The following PLEKHG4B variants were observed in gnomAD, a reference collection of about 807,000 sequenced individuals.
The protein encoded by PLEKHG4B is pleckstrin homology and RhoGEF domain containing G4B.
Under a neutral mutation model 121.3 loss-of-function variants are expected in PLEKHG4B, and 111 were observed. The ratio of observed to expected loss-of-function variants is 0.92; its 90% CI spans 0.78 to 1.07. PLEKHG4B has a LOEUF of 1.07. Among genes scored for constraint, PLEKHG4B ranks in the 50% least tolerant of loss-of-function variants. The probability of loss-of-function intolerance (pLI) is 0.00; values close to 1 mark genes in which losing one functional copy is unlikely to be tolerated. For synonymous variants in PLEKHG4B, 738 were observed against 725.0 expected (o/e 1.02, Z -0.29); for missense variants, 1,831 against 1,757.8 (o/e 1.04, Z -0.74).
At chr5:141,839 G>A (rs185031093) in intron 3 of PLEKHG4B, among the ~76,000 whole-genome samples, 58 of 151,728 alleles carry the variant, frequency 3.8e-4, no homozygotes, top group Non-Finnish European at 1.0e-4. Flanking sequence ...CCAACCTCGG[G>A]AAAGTGACAG....
At chr5:147,126 C>G (rs1156231283) in intron 6 of PLEKHG4B, among the ~76,000 whole-genome samples, 1 of 152,164 alleles carries the variant, frequency 6.6e-6, no homozygotes, top group Non-Finnish European at 1.5e-5. Flanking sequence ...TCCCTGAGGT[C>G]AGGAAGGAGT....
intron 3 of PLEKHG4B, 65 bp downstream of exon 3, chr5:140,781 C>T (rs1735150148): frequency 7.4e-7 from 1 of 1,345,468 alleles, no homozygotes; most frequent in Admixed American, 2.9e-5. Flanking sequence ...CCACAATCTC[C>T]CCCTGCACAC....
rs747629913 is a variant in PLEKHG4B, at chr5:99,825, G to C, written c.45+7549G>C. 9.3e-4 allele frequency among the ~76,000 whole-genome samples: 141 copies of C among 152,204 alleles called. 2 individuals are homozygous for C. Among genetic ancestry groups the C allele is most frequent in the Middle Eastern group, 3.4e-3 (1 of 294 alleles). On this transcript the variant is annotated intron_variant, in intron 1 of 19. Transcript: ENST00000637938. ...TGTTCTTAATCTTGGGGAAAACTTTGAGTTTTTCACCATTGAGTATATTAG... is the reference window on the plus strand; with the variant it reads ...TGTTCTTAATCTTGGGGAAAACTTTCAGTTTTTCACCATTGAGTATATTAG...
At chr5:155,527 A>G in intron 9 of PLEKHG4B, 84 bp downstream of exon 9, 1 of 1,058,064 alleles carries the variant, frequency 9.5e-7, no homozygotes, top group Non-Finnish European at 1.5e-6. Context: ...GAAAATAAAT[A>G]TTTGGTTCAC....
At chr5:179,915 T>C (rs1340631579) in intron 18 of PLEKHG4B, among the ~76,000 whole-genome samples, 2 of 152,172 alleles carry the variant, frequency 1.3e-5, no homozygotes, top group Non-Finnish European at 2.9e-5. Flanking sequence ...ATATGTAGGT[T>C]TGTGTTTGAT....
intron 1 of PLEKHG4B, among the ~76,000 whole-genome samples, chr5:103,511 C>T (rs1733884117): frequency 6.6e-6 from 1 of 152,164 alleles, no homozygotes; most frequent in South Asian, 2.1e-4. Flanking sequence ...CCACCCTCGA[C>T]TCTGGATATA....
chr5:139,947 C>T lies in PLEKHG4B; in HGVS notation c.708C>T (p.Gly236=). The change falls in exon 3 of 20, where the codon GGC becomes GGT. Residue 236 remains glycine, a synonymous_variant. Coordinates refer to ENST00000637938, the MANE Select transcript of PLEKHG4B (RefSeq NM_052909.5). This position sits in a 1 kb window ranked among gnomAD's most constrained non-coding sequence, Gnocchi z 5.0. ...EAPVPTQATA[G]PHFQGSASCP... ...CAGTCCCCACCCAAGCCACAGCAGG[C>T]CCCCATTTCCAGGGAAGCGCCTCTT... The T allele has an allele frequency of 2.4e-6, 1 of 408,612 alleles. No homozygotes were observed. Among genetic ancestry groups the T allele is most frequent in the Non-Finnish European group, 4.3e-6 (1 of 231,908 alleles). 25.3% of individuals were successfully genotyped at this position (408,612 alleles called of 1,614,324 possible).
intron 3 of PLEKHG4B, among the ~76,000 whole-genome samples, chr5:142,676 A>T (rs62344128): frequency 4.3e-4 from 65 of 152,060 alleles, no homozygotes; most frequent in Non-Finnish European, 8.1e-4. Flanking sequence ...TCACACAATC[A>T]CACGTGCCAG....
chr5:183,607 G>T lies in PLEKHG4B; in HGVS notation c.*1284G>T, dbSNP rs1434464243. ...AAAAAATTAGCCGGGCATGGTGTTGGCCGCCTGTAGTCCCAGCTACTTGGG... is the reference window on the plus strand; with the variant it reads ...AAAAAATTAGCCGGGCATGGTGTTGTCCGCCTGTAGTCCCAGCTACTTGGG... On this transcript the variant is annotated 3_prime_UTR_variant, in exon 20 of 20. Transcript: ENST00000637938. 6.6e-6 allele frequency: 1 copy of T among 152,264 alleles called. No homozygotes were observed. The highest frequency in any genetic ancestry group is 1.5e-5 in the Non-Finnish European group (1 of 68,114). The allele number at this position is 152,264 out of a possible 1,614,324, so 9.4% of individuals were successfully genotyped here. A position where few individuals can be genotyped will look rare whatever the true frequency, so the allele number is the denominator to read the frequency against.
rs756591244 is a variant in PLEKHG4B, at chr5:140,466, A to G, written c.1227A>G (p.Gln409=). Residue 409 remains glutamine (Q), a synonymous_variant, in exon 3 of 20, where the codon CAA becomes CAG. Coordinates refer to ENST00000637938, the MANE Select transcript of PLEKHG4B (RefSeq NM_052909.5). The part of the protein sequence containing the change: ...EETSGPRGDP[Q]QTPSLEKERH... ...CCTCTGGCCCCCGGGGAGACCCCCA[A>G]CAGACCCCAAGTCTAGAGAAGGAGA... 1.9e-6 allele frequency: 3 copies of G among 1,589,382 alleles called. No individual in the cohort carries two copies. The highest frequency in any genetic ancestry group is 1.7e-6 in the Non-Finnish European group (2 of 1,168,388).
intron 11 of PLEKHG4B, among the ~76,000 whole-genome samples, chr5:158,734 ACTC>A (rs1358960249): frequency 1.8e-5 from 1 of 54,072 alleles, no homozygotes; most frequent in African/African-American, 7.9e-5. Context: ...TCCTCGTTCT[ACTC>A]CTTCCTGGGG....
chr5:151,485 A>T (rs776827435), intron 6 of PLEKHG4B, 28 bp from the exon 7 acceptor site: 1 of 1,411,516 alleles, frequency 7.1e-7, no homozygotes, highest in Middle Eastern at 1.9e-4. Context: ...AAAGCTAATC[A>T]GTAATATTTA....
chr5:154,835 G>T, intron 7 of PLEKHG4B, 40 bp from the exon 8 acceptor site: 1 of 1,468,390 alleles, frequency 6.8e-7, no homozygotes. Flanking sequence ...CCCAAGAGAT[G>T]CATCTGGAGC....
chr5:172,871 A>G, intron 16 of PLEKHG4B, 26 bp from the exon 17 acceptor site: 1 of 1,613,062 alleles, frequency 6.2e-7, no homozygotes. Context: ...TTCTTGGATG[A>G]AATCCACCTG....
chr5:111,554 A>G (rs1734158238), intron 1 of PLEKHG4B, among the ~76,000 whole-genome samples: 1 of 152,062 alleles, frequency 6.6e-6, no homozygotes, highest in African/African-American at 2.4e-5. Flanking sequence ...AGGGTGGGGG[A>G]GGAATGGGCC....
intron 13 of PLEKHG4B, among the ~76,000 whole-genome samples, chr5:165,335 G>T: frequency 3.1e-5 from 1 of 31,802 alleles, no homozygotes; most frequent in Non-Finnish European, 7.3e-5. Flanking sequence ...TCCTCTGACG[G>T]GGCGGAGCTC....
intron 18 of PLEKHG4B, among the ~76,000 whole-genome samples, chr5:181,061 C>T (rs1230469854): frequency 6.6e-6 from 1 of 152,168 alleles, no homozygotes; most frequent in Non-Finnish European, 1.5e-5. Context: ...CTTAATTTGA[C>T]CAAGAATAAG....
chr5:145,486 G>A (rs1440147795), intron 6 of PLEKHG4B, among the ~76,000 whole-genome samples: 1 of 152,206 alleles, frequency 6.6e-6, no homozygotes. Context: ...TCAGCCTCCA[G>A]AGTAGCTAGG....
At position 150,623 on chromosome 5, in the gene PLEKHG4B, AG is replaced by A. The variant is rs1480309705; in HGVS notation, c.1906-889del. On this transcript the variant is annotated intron_variant, in intron 6 of 19. Coordinates refer to ENST00000637938, the MANE Select transcript of PLEKHG4B (RefSeq NM_052909.5). ...CCAATAAAATATGGGAAAGGATTTG[AG>A]TACTCTTCACTGAAGATGATACACA... Among the ~76,000 whole-genome samples the A allele has an allele frequency of 3.3e-5, 5 of 152,256 alleles. No individual in the cohort carries two copies. The South Asian group carries it at 1.0e-3, about 32-fold the overall frequency.
Sources: gnomAD v4.1 joint callset for allele counts (sites outside exome capture counted in the v4.1 genomes callset) on GRCh38, gnomAD v4.1.1 for gene constraint, Gnocchi (gnomAD v3.1) non-coding constraint, MANE v1.5 for transcripts, NCBI Gene and HGNC (gene_info 2026-07-23, HGNC 2026-07-21) for gene names.